SV2B: variants seen among roughly 807,000 people sequenced by gnomAD.
SV2B encodes synaptic vesicle glycoprotein 2B, also known as solute carrier family 22 member B2.
SV2B carries 41 observed loss-of-function variants against 73.9 expected under a neutral mutation model. The ratio of observed to expected loss-of-function variants is 0.56; its 90% CI spans 0.43 to 0.72. The LOEUF (loss-of-function observed/expected upper bound fraction) is 0.72. Ranked by LOEUF, SV2B falls within the 30% of genes least tolerant of loss-of-function variation. The pLI is 0.00. For missense variants in SV2B, 764 were observed against 857.8 expected (o/e 0.89, Z 1.37); for synonymous variants, 314 against 314.2 (o/e 1.00, Z 0.01).
intron 1 of SV2B, among the ~76,000 whole-genome samples, chr15:91,168,697 T>A (rs181885609): frequency 1.3e-5 from 2 of 152,346 alleles, no homozygotes; most frequent in African/African-American, 4.8e-5. Flanking sequence ...ACTGCTGTAT[T>A]GGTTGTTCTT....
intron 9 of SV2B, among the ~76,000 whole-genome samples, chr15:91,271,296 T>A (rs1321471235): frequency 6.6e-6 from 1 of 152,222 alleles, no homozygotes; most frequent in Admixed American, 6.5e-5. Flanking sequence ...TTTCTGAAGT[T>A]CCCAGTGTTT....
At chr15:91,201,822 C>T (rs1444942693) in intron 1 of SV2B, among the ~76,000 whole-genome samples, 1 of 152,176 alleles carries the variant, frequency 6.6e-6, no homozygotes, top group Non-Finnish European at 1.5e-5. Flanking sequence ...TGGTCTAAGC[C>T]ACTGCCATGT....
chr15:91,234,728 C>T lies in SV2B; in HGVS notation c.451+8014C>T, dbSNP rs1288983014. 6.6e-6 allele frequency among the ~76,000 whole-genome samples: 1 copy of T among 152,138 alleles called. No homozygotes were observed. Among genetic ancestry groups the T allele is most frequent in the Non-Finnish European group, 1.5e-5 (1 of 68,020 alleles). ...CAGAAACCCTTGAATGAAAGGGAGG[C>T]TGAATCTCCTTGAGGAGGGACCCCA... On this transcript the variant is annotated intron_variant, in intron 2 of 12. Transcript: ENST00000394232. This position sits in a 1 kb window ranked among gnomAD's most constrained non-coding sequence, Gnocchi z 5.6.
intron 1 of SV2B, among the ~76,000 whole-genome samples, chr15:91,187,878 A>G (rs757418109): frequency 1.3e-5 from 2 of 152,200 alleles, no homozygotes; most frequent in Non-Finnish European, 2.9e-5. Flanking sequence ...GAACTGAACC[A>G]CATAATTGAA....
chr15:91,117,740 G>C (rs2042221074), intron 1 of SV2B, among the ~76,000 whole-genome samples: 1 of 152,214 alleles, frequency 6.6e-6, no homozygotes, highest in African/African-American at 2.4e-5. Context: ...TGTCAGTAAA[G>C]TGCGAAAGTA....
chr15:91,260,695 AAGACATACCCG>A (rs1260120984), intron 6 of SV2B, among the ~76,000 whole-genome samples: 1 of 152,144 alleles, frequency 6.6e-6, no homozygotes, highest in African/African-American at 2.4e-5. Flanking sequence ...GCTGCTGATA[AAGACATACCCG>A]AGACTGGGAA....
At chr15:91,285,036 T>C (rs922375313) in intron 11 of SV2B, among the ~76,000 whole-genome samples, 1 of 152,126 alleles carries the variant, frequency 6.6e-6, no homozygotes, top group African/African-American at 2.4e-5. Context: ...GGACCTGCGT[T>C]AGGGTTGACG....
chr15:91,292,557 C>T lies in SV2B; in HGVS notation c.*5C>T. 6.2e-7 allele frequency: 1 copy of T among 1,608,298 alleles called. No homozygotes were observed. The highest frequency in any genetic ancestry group is 1.7e-5 in the Admixed American group (1 of 58,824). On this transcript the variant is annotated 3_prime_UTR_variant, in exon 13 of 13. Transcript: ENST00000394232. ...CGAGAACAGGTCCTGATGTGAACAA[C>T]CTATGGGAAAAGGAAAGGTCGAGAG...
At chr15:91,198,259 A>G (rs2045325144) in intron 1 of SV2B, among the ~76,000 whole-genome samples, 1 of 152,174 alleles carries the variant, frequency 6.6e-6, no homozygotes, top group Non-Finnish European at 1.5e-5. Context: ...ACGGTGGTTC[A>G]TTATGTCAAT....
At chr15:91,255,130 CTT>C (rs926470695) in intron 4 of SV2B, among the ~76,000 whole-genome samples, 4 of 152,188 alleles carry the variant, frequency 2.6e-5, no homozygotes, top group African/African-American at 9.7e-5. Flanking sequence ...CAACCCACCT[CTT>C]TTTTTCACTT....
rs1048384931 is a variant in SV2B at position 91,258,065 on chromosome 15, T to C, written c.785-356T>C. 5.3e-5 allele frequency among the ~76,000 whole-genome samples: 8 copies of C among 152,198 alleles called. No individual in the cohort carries two copies. Among genetic ancestry groups the C allele is most frequent in the African/African-American group, 1.9e-4 (8 of 41,430 alleles). On this transcript the variant is annotated intron_variant, in intron 4 of 12. Coordinates refer to ENST00000394232, the MANE Select transcript of SV2B (RefSeq NM_001323032.3). This position sits in a 1 kb window ranked among gnomAD's most constrained non-coding sequence, Gnocchi z 4.7. ...AACAATCTGCCATCTTAAAATATAA[T>C]GATTCTGTAGAGATACGGGCTATTG...
intron 1 of SV2B, among the ~76,000 whole-genome samples, chr15:91,211,721 C>G (rs919915937): frequency 2.0e-5 from 3 of 151,298 alleles, no homozygotes; most frequent in African/African-American, 7.3e-5. Flanking sequence ...CTAGGCTGGT[C>G]TCAAACTCCT....
intron 1 of SV2B, among the ~76,000 whole-genome samples, chr15:91,145,208 A>G (rs2043112696): frequency 6.6e-6 from 1 of 152,090 alleles, no homozygotes; most frequent in South Asian, 2.1e-4. Context: ...GTTCTCATCA[A>G]TTAGCTCTCA....
intron 1 of SV2B, among the ~76,000 whole-genome samples, chr15:91,181,047 A>G (rs1228949013): frequency 6.6e-6 from 1 of 151,882 alleles, no homozygotes; most frequent in Non-Finnish European, 1.5e-5. Context: ...GTCTTTGATG[A>G]TGGTGATGTA....
chr15:91,258,542 G>T lies in SV2B; in HGVS notation c.906G>T (p.Arg302Ser), dbSNP rs146910981. 3 of 1,613,942 alleles carry T rather than the reference G, an allele frequency of 1.9e-6. No homozygotes were observed. The highest frequency in any genetic ancestry group is 1.3e-5 in the African/African-American group (1 of 74,918). ...VALKFMPESP[R>S]FLLEMGKHDE... is the part of the protein sequence containing the mutation. ...TGAAGTTCATGCCAGAGAGCCCAAGGTTTCTGCTAGAGGTGAGTCAGTGCT... is the reference window on the plus strand; with the variant it reads ...TGAAGTTCATGCCAGAGAGCCCAAGTTTTCTGCTAGAGGTGAGTCAGTGCT... The change falls in exon 5 of 13, where the codon AGG (arginine) becomes AGT (serine). Residue 302 changes from arginine to serine, a missense_variant. Coordinates refer to ENST00000394232, the MANE Select transcript of SV2B (RefSeq NM_001323032.3). The surrounding 1 kb of genome is among the most constrained non-coding windows in gnomAD (Gnocchi z 4.7).
At chr15:91,263,219 C>A (rs1343174654) in intron 6 of SV2B, among the ~76,000 whole-genome samples, 1 of 119,824 alleles carries the variant, frequency 8.3e-6, no homozygotes, top group African/African-American at 5.6e-5. Context: ...CACACATGAA[C>A]ACAGACACAC....
intron 1 of SV2B, among the ~76,000 whole-genome samples, chr15:91,153,612 T>C (rs150901818): frequency 2.8e-4 from 42 of 152,316 alleles, no homozygotes; most frequent in Non-Finnish European, 5.1e-4. Context: ...TGAGCTCTGA[T>C]GCTGAGATAA....
rs2046432063 is a variant in SV2B at position 91,227,781 on chromosome 15, G to A, written c.451+1067G>A. Among the ~76,000 whole-genome samples, 1 of 152,188 alleles carries A rather than the reference G, an allele frequency of 6.6e-6. No individual in the cohort carries two copies. On this transcript the variant is annotated intron_variant, in intron 2 of 12. Coordinates refer to ENST00000394232, the MANE Select transcript of SV2B (RefSeq NM_001323032.3). The surrounding 1 kb of genome is among the most constrained non-coding windows in gnomAD (Gnocchi z 4.5). The stretch of plus-strand genomic sequence containing the variant: ...ATTAACAAACACAGAGAATTATTTG[G>A]TTACTGTAGGGACAGTCTCTATGAA...
intron 1 of SV2B, among the ~76,000 whole-genome samples, chr15:91,177,336 G>A (rs889943845): frequency 2.6e-5 from 4 of 151,842 alleles, no homozygotes; most frequent in Non-Finnish European, 5.9e-5. Context: ...GATGCCTCCA[G>A]CTTTGTTCTT....
Sources: gnomAD v4.1 joint callset for allele counts (sites outside exome capture counted in the v4.1 genomes callset) on GRCh38, gnomAD v4.1.1 for gene constraint, Gnocchi (gnomAD v3.1) non-coding constraint, MANE v1.5 for transcripts, NCBI Gene and HGNC (gene_info 2026-07-23, HGNC 2026-07-21) for gene names.